SEC11A: variants seen among roughly 807,000 people sequenced by gnomAD.
SEC11A encodes SEC11 homolog A, signal peptidase complex subunit, also known as signal peptidase complex catalytic subunit SEC11A.
SEC11A carries 14 observed loss-of-function variants against 25.6 expected under a neutral mutation model. That is an observed-to-expected ratio of 0.55 (90% CI 0.36 to 0.85). SEC11A has a LOEUF of 0.85. Ranked by LOEUF, SEC11A falls within the 40% of genes least tolerant of loss-of-function variation. SEC11A has a pLI of 0.01. For missense variants in SEC11A, 153 were observed against 222.9 expected (o/e 0.69, Z 2.00); for synonymous variants, 83 against 76.4 (o/e 1.09, Z -0.45).
At chr15:84,678,101 A>C (rs951613226) in intron 4 of SEC11A, among the ~76,000 whole-genome samples, 6 of 151,778 alleles carry the variant, frequency 4.0e-5, no homozygotes, top group Non-Finnish European at 8.8e-5. Context: ...GGTGGCTGAG[A>C]CATGAGAATC....
rs1897514132 is a variant in SEC11A at position 84,688,996 on chromosome 15, C to G, written c.162-1222G>C. Among the ~76,000 whole-genome samples, 3 of 148,890 alleles carry G rather than the reference C, an allele frequency of 2.0e-5. No homozygotes were observed. In the Admixed American group the frequency reaches 2.0e-4, roughly 10 times the overall value. ...AATGGGCTGAGATTGCGCCATTGCA[C>G]TCCAGCCTGGGCAATACAGTGAGAC... On this transcript the variant is annotated intron_variant, in intron 2 of 5. Coordinates refer to ENST00000268220, the MANE Select transcript of SEC11A (RefSeq NM_014300.4).
At chr15:84,682,512 G>A (rs955372955) in intron 3 of SEC11A, among the ~76,000 whole-genome samples, 9 of 152,126 alleles carry the variant, frequency 5.9e-5, no homozygotes, top group African/African-American at 1.9e-4. Flanking sequence ...GCAATGGCAT[G>A]ATCTCGGCTC....
intron 1 of SEC11A, among the ~76,000 whole-genome samples, chr15:84,697,011 C>T (rs1169614971): frequency 2.1e-5 from 3 of 145,156 alleles, no homozygotes; most frequent in Admixed American, 7.1e-5. Flanking sequence ...AGTGAGATCC[C>T]TATCTCTAAA....
chr15:84,680,902 G>T, intron 3 of SEC11A, 70 bp from the exon 4 acceptor site: 3 of 1,405,002 alleles, frequency 2.1e-6, no homozygotes, highest in Non-Finnish European at 2.9e-6. Context: ...ATCTGTTCTT[G>T]TTAACCAAAC....
At chr15:84,689,957 A>G (rs1897554097) in intron 2 of SEC11A, among the ~76,000 whole-genome samples, 1 of 152,116 alleles carries the variant, frequency 6.6e-6, no homozygotes, top group African/African-American at 2.4e-5. Context: ...AAAATGAGTT[A>G]CTAAATTAGG....
At chr15:84,684,758 C>G (rs376462438) in intron 3 of SEC11A, among the ~76,000 whole-genome samples, 2 of 151,844 alleles carry the variant, frequency 1.3e-5, no homozygotes, top group African/African-American at 2.4e-5. Flanking sequence ...ATGGTGAAAC[C>G]CTGCCTCTAC....
intron 1 of SEC11A, among the ~76,000 whole-genome samples, chr15:84,705,257 A>C (rs1412717936): frequency 6.6e-6 from 1 of 152,118 alleles, no homozygotes; most frequent in Non-Finnish European, 1.5e-5. Context: ...TTAGTAGTTT[A>C]GCATCTTTTA....
intron 4 of SEC11A, among the ~76,000 whole-genome samples, chr15:84,678,814 G>A (rs906863244): frequency 9.9e-5 from 15 of 151,936 alleles, no homozygotes; most frequent in African/African-American, 3.4e-4. Context: ...GCAACATATC[G>A]AGACCCCATC....
chr15:84,714,866 C>CCTCT (rs1898407539), intron 1 of SEC11A: 1 of 152,070 alleles, frequency 6.6e-6, no homozygotes, highest in African/African-American at 2.4e-5. Context: ...TCTCATTGTA[C>CCTCT]CTAGCATAGA....
At chr15:84,700,104 G>C (rs1426008466) in intron 1 of SEC11A, among the ~76,000 whole-genome samples, 2 of 151,880 alleles carry the variant, frequency 1.3e-5, no homozygotes, top group African/African-American at 2.4e-5. Context: ...CAACTAACTT[G>C]CCTGTAACCC....
chr15:84,703,424 C>A (rs1898006842), intron 1 of SEC11A, among the ~76,000 whole-genome samples: 1 of 152,126 alleles, frequency 6.6e-6, no homozygotes, highest in African/African-American at 2.4e-5. Context: ...ACGATGCTAC[C>A]CTGCTTCCTC....
chr15:84,705,480 A>T (rs867781989), intron 1 of SEC11A, among the ~76,000 whole-genome samples: 46 of 152,148 alleles, frequency 3.0e-4, no homozygotes, highest in African/African-American at 1.1e-3. Context: ...TTCTATAGCT[A>T]GGATTCACTA....
intron 5 of SEC11A, chr15:84,670,403 AT>A: frequency 2.3e-5 from 6 of 262,062 alleles, no homozygotes; most frequent in Admixed American, 1.0e-4. Context: ...TTCCTGGCTA[AT>A]TTTTTTGTAT....
chr15:84,680,658 G>A, intron 4 of SEC11A, 55 bp downstream of exon 4: 1 of 1,491,292 alleles, frequency 6.7e-7, no homozygotes, highest in Non-Finnish European at 9.0e-7. Context: ...ATATGATTGA[G>A]AGGGCCACAC....
At chr15:84,680,683 A>G in intron 4 of SEC11A, 30 bp downstream of exon 4, 5 of 1,561,708 alleles carry the variant, frequency 3.2e-6, no homozygotes, top group Non-Finnish European at 4.3e-6. Flanking sequence ...AGTGATATAA[A>G]AAGTTTGAGA....
intron 3 of SEC11A, among the ~76,000 whole-genome samples, chr15:84,683,477 T>C (rs919040279): frequency 4.6e-5 from 7 of 152,224 alleles, no homozygotes; most frequent in Admixed American, 2.0e-4. Flanking sequence ...GTTATCACTA[T>C]AGTTTTTTTG....
intron 3 of SEC11A, among the ~76,000 whole-genome samples, chr15:84,682,888 T>G (rs912943413): frequency 6.6e-6 from 1 of 152,156 alleles, no homozygotes; most frequent in Non-Finnish European, 1.5e-5. Context: ...TAATTCAAAG[T>G]GCATTTGGAT....
intron 1 of SEC11A, among the ~76,000 whole-genome samples, chr15:84,695,451 G>C (rs930012060): frequency 6.6e-6 from 1 of 150,958 alleles, no homozygotes; most frequent in Non-Finnish European, 1.5e-5. Context: ...CAACAAGGGC[G>C]AAACTCCGTC....
intron 4 of SEC11A, among the ~76,000 whole-genome samples, chr15:84,680,234 G>A (rs970735128): frequency 5.3e-5 from 8 of 151,738 alleles, no homozygotes; most frequent in African/African-American, 1.9e-4. Context: ...TCAGGAGGCG[G>A]AGGCTGCAGT....
Sources: gnomAD v4.1 joint callset for allele counts (sites outside exome capture counted in the v4.1 genomes callset) on GRCh38, gnomAD v4.1.1 for gene constraint, MANE v1.5 for transcripts, NCBI Gene and HGNC (gene_info 2026-07-23, HGNC 2026-07-21) for gene names.